The following MTMR12 variants were observed in gnomAD, a reference collection of about 807,000 sequenced individuals.
The protein encoded by MTMR12 is myotubularin related protein 12.
In MTMR12, 33 loss-of-function variants were observed where a neutral mutation model predicts 96.7. That is an observed-to-expected ratio of 0.34 (90% CI 0.26 to 0.46). The LOEUF (loss-of-function observed/expected upper bound fraction) is 0.46. MTMR12 is among the 20% of genes least tolerant of loss of function. MTMR12 has a pLI of 1.00. For missense variants in MTMR12, 721 were observed against 896.1 expected (o/e 0.80, Z 2.49); for synonymous variants, 298 against 327.2 (o/e 0.91, Z 0.96).
chr5:32,272,058 G>A lies in MTMR12; in HGVS notation c.286-153C>T, dbSNP rs148093129. Among the ~76,000 whole-genome samples, 1,123 of 152,148 alleles carry A rather than the reference G, an allele frequency of 7.4e-3. 18 individuals carry two copies. Among genetic ancestry groups the A allele is most frequent in the African/African-American group, 0.025 (1,057 of 41,498 alleles). On this transcript the variant is annotated intron_variant, in intron 3 of 15. Transcript: ENST00000382142. ...TGTAATCCCAGCACTTTGGGAGGCCGACGCGGGCGGATCACGAGGTCAGGA... is the reference window on the plus strand; with the variant it reads ...TGTAATCCCAGCACTTTGGGAGGCCAACGCGGGCGGATCACGAGGTCAGGA...
intron 7 of MTMR12, 89 bp downstream of exon 7, chr5:32,263,024 T>G: frequency 6.8e-7 from 1 of 1,475,156 alleles, no homozygotes; most frequent in Non-Finnish European, 9.2e-7. Context: ...ACTGTGGTGA[T>G]GACTGCACAA....
intron 13 of MTMR12, among the ~76,000 whole-genome samples, chr5:32,235,880 A>G (rs1748208760): frequency 6.6e-6 from 1 of 152,204 alleles, no homozygotes; most frequent in African/African-American, 2.4e-5. Flanking sequence ...CCAGGGGGCT[A>G]AGAGAAGCTA....
At position 32,248,835 on chromosome 5, in the gene MTMR12, A is replaced by AT; in HGVS notation, c.832dup (p.Met278AsnfsTer10). The AT allele has an allele frequency of 6.2e-7, 1 of 1,614,172 alleles. No individual in the cohort carries two copies. Among genetic ancestry groups the AT allele is most frequent in the Non-Finnish European group, 8.5e-7 (1 of 1,180,006 alleles). On this transcript the variant is annotated frameshift_variant, in exon 9 of 16. Coordinates refer to ENST00000382142, the MANE Select transcript of MTMR12 (RefSeq NM_001040446.3). LOFTEE classifies it high-confidence loss of function. ...ATCCTGTTCTTTGGGCAGTGCTGAC[A>AT]TTTTCAAAAGGGCACTTCCATTGTG...
rs1000595063 is a variant in MTMR12 at position 32,255,058 on chromosome 5, T to C, written c.789+635A>G. On this transcript the variant is annotated intron_variant, in intron 8 of 15. Coordinates refer to ENST00000382142, the MANE Select transcript of MTMR12 (RefSeq NM_001040446.3). ...TGGACTCCATGGGCTTCTGGGCACG[T>C]GACCCTGCTTAACCATACCTCCACC... 2.6e-5 allele frequency among the ~76,000 whole-genome samples: 4 copies of C among 152,294 alleles called. 1 individual carries two copies. In the South Asian group the frequency reaches 8.3e-4, roughly 32 times the overall value.
At chr5:32,297,446 G>A (rs1032243728) in intron 1 of MTMR12, among the ~76,000 whole-genome samples, 1 of 152,072 alleles carries the variant, frequency 6.6e-6, no homozygotes, top group East Asian at 1.9e-4. Context: ...AACAGGCAAT[G>A]ACCTTGGACA....
chr5:32,267,945 T>C (rs1313859086), intron 6 of MTMR12, among the ~76,000 whole-genome samples: 2 of 152,138 alleles, frequency 1.3e-5, no homozygotes, highest in East Asian at 3.9e-4. Flanking sequence ...GCGATTCTCC[T>C]GCCTCAGCCT....
intron 13 of MTMR12, among the ~76,000 whole-genome samples, chr5:32,235,927 T>C (rs1170544660): frequency 6.6e-6 from 1 of 152,180 alleles, no homozygotes; most frequent in Non-Finnish European, 1.5e-5. Flanking sequence ...AAAGGGAAGA[T>C]TGGAGATGCC....
In MTMR12 at chr5:32,270,802, CA is replaced by C. The variant is rs749767773; in HGVS notation, c.489+14del. The C allele has an allele frequency of 6.3e-7, 1 of 1,592,446 alleles. No homozygotes were observed. On this transcript the variant is annotated intron_variant, in intron 5 of 15. Coordinates refer to ENST00000382142, the MANE Select transcript of MTMR12 (RefSeq NM_001040446.3). The stretch of plus-strand genomic sequence containing the variant: ...TGATGGGAAATAAAACCTAAAAACA[CA>C]TGCAACTAGTTACCCTTTTGACTTC...
intron 1 of MTMR12, among the ~76,000 whole-genome samples, chr5:32,279,000 C>T (rs376503904): frequency 2.8e-5 from 4 of 140,824 alleles, no homozygotes; most frequent in Admixed American, 7.9e-5. Context: ...CACTTGAACC[C>T]GAGAGGCAGA....
intron 1 of MTMR12, chr5:32,296,404 A>T (rs1750925965): frequency 3.8e-6 from 1 of 260,852 alleles, no homozygotes; most frequent in Non-Finnish European, 8.5e-6. Flanking sequence ...GCTTCAGCCC[A>T]GGAGGTTGAG....
chr5:32,239,157 G>A lies in MTMR12; in HGVS notation c.1188C>T (p.Asp396=). The A allele has an allele frequency of 6.2e-7, 1 of 1,602,534 alleles. No individual in the cohort carries two copies. Among genetic ancestry groups the A allele is most frequent in the Non-Finnish European group, 8.5e-7 (1 of 1,173,522 alleles). The change falls in exon 13 of 16, where the codon GAC becomes GAT. Residue 396 remains aspartate, a synonymous_variant. Coordinates refer to ENST00000382142, the MANE Select transcript of MTMR12 (RefSeq NM_001040446.3). The part of the protein sequence containing the change: ...NVLLLEENAS[D]LCCLISSLVQ... Reference sequence around the variant, plus strand: ...CCAGAGAGGAAATGAGACAGCAGAGGTCGGATGCATTCTCCTCTAGGAGAG... The same window carrying A: ...CCAGAGAGGAAATGAGACAGCAGAGATCGGATGCATTCTCCTCTAGGAGAG...
At chr5:32,304,929 C>T (rs1386217263) in intron 1 of MTMR12, among the ~76,000 whole-genome samples, 1 of 152,128 alleles carries the variant, frequency 6.6e-6, no homozygotes. Context: ...GGGCTAAAGC[C>T]ACAGCTAAGA....
intron 12 of MTMR12, among the ~76,000 whole-genome samples, chr5:32,240,004 C>A (rs1748400447): frequency 6.6e-6 from 1 of 152,208 alleles, no homozygotes; most frequent in Non-Finnish European, 1.5e-5. Flanking sequence ...GGGTCTACAT[C>A]CCCATAGTTT....
At position 32,245,289 on chromosome 5, in the gene MTMR12, G is replaced by C. The variant is rs563359287; in HGVS notation, c.1022-1690C>G. On this transcript the variant is annotated intron_variant, in intron 10 of 15. Transcript: ENST00000382142. The stretch of plus-strand genomic sequence containing the variant: ...GACCTCTGGTGATCCGCCCACCTCG[G>C]CCTCCCAAAGTGCTGCAATTATACA... Among the ~76,000 whole-genome samples the C allele has an allele frequency of 7.9e-5, 12 of 152,284 alleles. No homozygotes were observed. The South Asian group carries it at 2.5e-3, about 32-fold the overall frequency.
chr5:32,312,812 A>ACCG lies in MTMR12; in HGVS notation c.24_26dup (p.Gly12dup). The ACCG allele has an allele frequency of 6.5e-7, 1 of 1,532,720 alleles. No homozygotes were observed. Among genetic ancestry groups the ACCG allele is most frequent in the Non-Finnish European group, 8.7e-7 (1 of 1,143,030 alleles). The allele number at this position is 1,532,720 out of a possible 1,614,324, so 94.9% of individuals were successfully genotyped here. A position where few individuals can be genotyped will look rare whatever the true frequency, so the allele number is the denominator to read the frequency against. ...GCTTGGGGGCCTTGGTGCCGCCGCC[A>ACCG]CCGCCGACTACTCCTTTCCCCAGCA... On this transcript the variant is annotated inframe_insertion, in exon 1 of 16. Coordinates refer to ENST00000382142, the MANE Select transcript of MTMR12 (RefSeq NM_001040446.3). This position sits in a 1 kb window ranked among gnomAD's most constrained non-coding sequence, Gnocchi z 5.0.
Position 32,312,815 on chromosome 5 carries a change from G to T in MTMR12, c.24C>A (p.Gly8=). Residue 8 remains glycine, a synonymous_variant, in exon 1 of 16, where the codon GGC becomes GGA. Transcript: ENST00000382142. This position sits in a 1 kb window ranked among gnomAD's most constrained non-coding sequence, Gnocchi z 5.0. ...TGGGGGCCTTGGTGCCGCCGCCACC[G>T]CCGACTACTCCTTTCCCCAGCATAC... MLGKGVV[G]GGGGTKAPKP... is the part of the protein sequence containing the mutation. The T allele has an allele frequency of 2.6e-6, 4 of 1,532,522 alleles. No individual in the cohort carries two copies. Among genetic ancestry groups the T allele is most frequent in the Non-Finnish European group, 3.5e-6 (4 of 1,142,862 alleles). 94.9% of individuals were successfully genotyped at this position (1,532,522 alleles called of 1,614,324 possible). A position where few individuals can be genotyped will look rare whatever the true frequency, so the allele number is the denominator to read the frequency against.
At chr5:32,307,242 G>C (rs1356009597) in intron 1 of MTMR12, among the ~76,000 whole-genome samples, 1 of 152,088 alleles carries the variant, frequency 6.6e-6, no homozygotes, top group Non-Finnish European at 1.5e-5. Flanking sequence ...AATGCTTATG[G>C]CTTCTGAAAT....
At chr5:32,244,196 T>C (rs959054363) in intron 10 of MTMR12, among the ~76,000 whole-genome samples, 1 of 151,870 alleles carries the variant, frequency 6.6e-6, no homozygotes, top group African/African-American at 2.4e-5. Context: ...GGAAGATCAC[T>C]TGAGGCCAGG....
rs995968497 is a variant in MTMR12 at position 32,312,934 on chromosome 5, G to T, written c.-96C>A. 1.0e-5 allele frequency: 12 copies of T among 1,184,202 alleles called. No individual in the cohort carries two copies. In the African/African-American group the frequency reaches 1.6e-4, roughly 16 times the overall value. 73.4% of individuals were successfully genotyped at this position (1,184,202 alleles called of 1,614,324 possible). ...GGCGGCCACCAGCACTAGCGGCTGG[G>T]GCTCCGCCCATCCCCAAGGCCGCGA... On this transcript the variant is annotated 5_prime_UTR_variant, in exon 1 of 16. Coordinates refer to ENST00000382142, the MANE Select transcript of MTMR12 (RefSeq NM_001040446.3). The surrounding 1 kb of genome is among the most constrained non-coding windows in gnomAD (Gnocchi z 5.0).
Sources: gnomAD v4.1 joint callset for allele counts (sites outside exome capture counted in the v4.1 genomes callset) on GRCh38, gnomAD v4.1.1 for gene constraint, Gnocchi (gnomAD v3.1) non-coding constraint, MANE v1.5 for transcripts, NCBI Gene and HGNC (gene_info 2026-07-23, HGNC 2026-07-21) for gene names.